NTM: variants seen among roughly 807,000 people sequenced by gnomAD.
The protein encoded by NTM is neurotrimin.
Under a neutral mutation model 42.1 loss-of-function variants are expected in NTM, and 13 were observed. The observed-to-expected ratio is 0.31, with a 90% CI of 0.20 to 0.49. The LOEUF (loss-of-function observed/expected upper bound fraction) is 0.49. NTM is among the 20% of genes least tolerant of loss of function. The probability of loss-of-function intolerance (pLI) is 0.99; values close to 1 mark genes in which losing one functional copy is unlikely to be tolerated. For missense variants in NTM, 373 were observed against 452.8 expected (o/e 0.82, Z 1.60); for synonymous variants, 187 against 179.2 (o/e 1.04, Z -0.35).
intron 1 of NTM, among the ~76,000 whole-genome samples, chr11:131,867,342 G>A (rs1425104030): frequency 6.6e-6 from 1 of 152,140 alleles, no homozygotes; most frequent in Non-Finnish European, 1.5e-5. Flanking sequence ...TGCGGATGGA[G>A]AGGTCTGCCT....
chr11:131,999,509 T>C (rs894630442), intron 2 of NTM, among the ~76,000 whole-genome samples: 1 of 152,196 alleles, frequency 6.6e-6, no homozygotes, highest in East Asian at 1.9e-4. Context: ...AAGACCAAGA[T>C]ACATGTGAGG....
intron 1 of NTM, among the ~76,000 whole-genome samples, chr11:131,391,141 T>G (rs1298850395): frequency 1.3e-5 from 2 of 152,222 alleles, no homozygotes; most frequent in Non-Finnish European, 2.9e-5. Context: ...AATCTTTCCC[T>G]GAACCTTGTG....
chr11:132,026,409 A>C (rs985496959), intron 2 of NTM, among the ~76,000 whole-genome samples: 6 of 152,134 alleles, frequency 3.9e-5, no homozygotes, highest in African/African-American at 1.4e-4. Flanking sequence ...CTTATATGAG[A>C]CATCCCTGGC....
chr11:132,295,994 G>A (rs917736622), intron 4 of NTM, among the ~76,000 whole-genome samples: 1 of 152,218 alleles, frequency 6.6e-6, no homozygotes, highest in African/African-American at 2.4e-5. Flanking sequence ...TGTAAAGTGA[G>A]TGGAAACAGC....
chr11:131,447,912 T>G (rs138486170), intron 1 of NTM, among the ~76,000 whole-genome samples: 43 of 152,300 alleles, frequency 2.8e-4, no homozygotes, highest in Middle Eastern at 3.4e-3. Flanking sequence ...GCATCTCTGC[T>G]CCACTTCCTC....
intron 1 of NTM, among the ~76,000 whole-genome samples, chr11:131,505,515 G>A (rs1019678394): frequency 3.3e-5 from 5 of 152,256 alleles, no homozygotes; most frequent in Non-Finnish European, 7.4e-5. Flanking sequence ...GACATCCTGC[G>A]ATTATTTACC....
At chr11:132,333,171 C>G (rs1019844523) in intron 8 of NTM, among the ~76,000 whole-genome samples, 2 of 152,020 alleles carry the variant, frequency 1.3e-5, no homozygotes, top group African/African-American at 4.8e-5. Flanking sequence ...TGAACACTCA[C>G]AGTGTTGAGG....
intron 1 of NTM, among the ~76,000 whole-genome samples, chr11:131,898,883 C>T (rs186366006): frequency 2.0e-5 from 3 of 152,286 alleles, no homozygotes; most frequent in Non-Finnish European, 4.4e-5. Flanking sequence ...CTGTGGAGCA[C>T]AAAGTCGAGA....
chr11:131,379,853 T>G (rs1326568551), intron 1 of NTM, among the ~76,000 whole-genome samples: 1 of 152,138 alleles, frequency 6.6e-6, no homozygotes, highest in African/African-American at 2.4e-5. Flanking sequence ...TTCTCTAGAG[T>G]TGTTCTGCTT....
chr11:132,062,337 C>G (rs2136042914), intron 2 of NTM, among the ~76,000 whole-genome samples: 1 of 152,288 alleles, frequency 6.6e-6, no homozygotes, highest in South Asian at 2.1e-4. Context: ...TTGGCAGGTG[C>G]TGACCCAGCT....
intron 1 of NTM, among the ~76,000 whole-genome samples, chr11:131,473,168 C>T (rs141981016): frequency 6.6e-6 from 1 of 152,132 alleles, no homozygotes; most frequent in Admixed American, 6.5e-5. Context: ...GGCCCTTGAA[C>T]AGTGAGCCTC....
intron 4 of NTM, among the ~76,000 whole-genome samples, chr11:132,252,546 T>G (rs1296842411): frequency 6.6e-6 from 1 of 152,212 alleles, no homozygotes; most frequent in Admixed American, 6.5e-5. Context: ...GAAGACAGTG[T>G]TGGACAGAGG....
At chr11:132,075,635 G>C (rs1215645379) in intron 2 of NTM, among the ~76,000 whole-genome samples, 1 of 152,098 alleles carries the variant, frequency 6.6e-6, no homozygotes, top group African/African-American at 2.4e-5. Context: ...TATTAGCCTG[G>C]AGAGTATAGA....
At chr11:131,758,138 T>G (rs2083581103) in intron 1 of NTM, among the ~76,000 whole-genome samples, 1 of 152,202 alleles carries the variant, frequency 6.6e-6, no homozygotes, top group African/African-American at 2.4e-5. Context: ...GAGACTATTT[T>G]AGTCAGTTTC....
At chr11:131,460,555 TC>T (rs971967627) in intron 1 of NTM, among the ~76,000 whole-genome samples, 1 of 152,168 alleles carries the variant, frequency 6.6e-6, no homozygotes, top group African/African-American at 2.4e-5. Context: ...CTTTCTTTTT[TC>T]TTTTTTTTCC....
intron 1 of NTM, among the ~76,000 whole-genome samples, chr11:131,801,535 C>T (rs2092109679): frequency 6.6e-6 from 1 of 152,172 alleles, no homozygotes; most frequent in Non-Finnish European, 1.5e-5. Flanking sequence ...GTCATTTCAC[C>T]TTTTAAAATG....
chr11:131,902,791 T>C (rs2137742249), intron 1 of NTM, among the ~76,000 whole-genome samples: 1 of 152,352 alleles, frequency 6.6e-6, no homozygotes, highest in East Asian at 1.9e-4. Context: ...TTCTACCCAA[T>C]TACACTCTTG....
chr11:132,320,977 A>G (rs1035606346), intron 7 of NTM, among the ~76,000 whole-genome samples: 5 of 150,692 alleles, frequency 3.3e-5, no homozygotes, highest in Non-Finnish European at 4.4e-5. Context: ...TGTCTGTTAG[A>G]AGGAAAACTA....
intron 1 of NTM, among the ~76,000 whole-genome samples, chr11:131,668,893 T>C (rs1191097366): frequency 6.6e-6 from 1 of 152,188 alleles, no homozygotes; most frequent in African/African-American, 2.4e-5. Flanking sequence ...ATGAGGCATT[T>C]CAAACAACAA....
Sources: gnomAD v4.1 joint callset for allele counts (sites outside exome capture counted in the v4.1 genomes callset) on GRCh38, gnomAD v4.1.1 for gene constraint, MANE v1.5 for transcripts, NCBI Gene and HGNC (gene_info 2026-07-23, HGNC 2026-07-21) for gene names.